Variants in GPR158 observed in about 807,000 individuals in gnomAD.
GPR158 encodes the protein metabotropic glycine receptor.
In GPR158, 30 loss-of-function variants were observed where a neutral mutation model predicts 78.2. That is an observed-to-expected ratio of 0.38 (90% confidence interval 0.29 to 0.52). GPR158 has a LOEUF of 0.52. GPR158 is among the 20% of genes least tolerant of loss of function. GPR158 has a pLI of 0.83. For missense variants in GPR158, 1,463 were observed against 1,523.5 expected (o/e 0.96, Z 0.66); for synonymous variants, 581 against 591.1 (o/e 0.98, Z 0.25).
At chr10:25,586,358 A>T in intron 7 of GPR158, among the ~76,000 whole-genome samples, 1 of 149,618 alleles carries the variant, frequency 6.7e-6, no homozygotes, top group Non-Finnish European at 1.5e-5. Flanking sequence ...TGGGACAGGA[A>T]TTATTTCCAG....
chr10:25,424,274 A>T (rs191527305), intron 4 of GPR158, among the ~76,000 whole-genome samples: 1 of 152,318 alleles, frequency 6.6e-6, no homozygotes, highest in East Asian at 1.9e-4. Flanking sequence ...GATTCAGGAT[A>T]TTAGCCCTTT....
intron 7 of GPR158, among the ~76,000 whole-genome samples, chr10:25,574,869 A>G (rs574848534): frequency 1.3e-5 from 2 of 152,244 alleles, no homozygotes; most frequent in African/African-American, 4.8e-5. Context: ...TGGGAGACAG[A>G]GTGAGACTTT....
At chr10:25,317,878 G>A (rs562475711) in intron 2 of GPR158, among the ~76,000 whole-genome samples, 1 of 152,122 alleles carries the variant, frequency 6.6e-6, no homozygotes, top group African/African-American at 2.4e-5. Context: ...ACAGGCATGT[G>A]CCACCAAGCC....
At chr10:25,513,643 T>C (rs1245345904) in intron 5 of GPR158, among the ~76,000 whole-genome samples, 2 of 152,146 alleles carry the variant, frequency 1.3e-5, no homozygotes, top group East Asian at 3.9e-4. Context: ...AGACTTTTGA[T>C]GTAGGCATTT....
intron 5 of GPR158, among the ~76,000 whole-genome samples, chr10:25,526,692 G>T (rs1271893956): frequency 6.6e-6 from 1 of 152,232 alleles, no homozygotes; most frequent in Non-Finnish European, 1.5e-5. Context: ...TTCAGACCTT[G>T]TTGCAGAAGG....
At chr10:25,514,947 T>G (rs1588894113) in intron 5 of GPR158, among the ~76,000 whole-genome samples, 1 of 152,258 alleles carries the variant, frequency 6.6e-6, no homozygotes, top group East Asian at 1.9e-4. Context: ...GCTCTTAAGA[T>G]TTTTTCCTTC....
chr10:25,241,532 T>C (rs1390291242), intron 2 of GPR158, among the ~76,000 whole-genome samples: 2 of 151,610 alleles, frequency 1.3e-5, no homozygotes, highest in Non-Finnish European at 2.9e-5. Flanking sequence ...GCGATTTTCC[T>C]GCCTCAGCCT....
chr10:25,362,674 G>T (rs963864646), intron 2 of GPR158, among the ~76,000 whole-genome samples: 41 of 151,656 alleles, frequency 2.7e-4, no homozygotes, highest in Non-Finnish European at 5.5e-4. Flanking sequence ...CCTTGATTAG[G>T]TTTATTCCTA....
chr10:25,379,784 TCTTATCAG>T (rs1412378143), intron 2 of GPR158, among the ~76,000 whole-genome samples: 2 of 151,916 alleles, frequency 1.3e-5, no homozygotes, highest in Non-Finnish European at 1.5e-5. Flanking sequence ...CATCTCTTCT[TCTTATCAG>T]CTTACATCTG....
At chr10:25,350,061 G>A (rs1311118094) in intron 2 of GPR158, among the ~76,000 whole-genome samples, 2 of 152,040 alleles carry the variant, frequency 1.3e-5, no homozygotes, top group East Asian at 3.9e-4. Context: ...ACTATGGAGT[G>A]CTAGGGGGAT....
intron 6 of GPR158, among the ~76,000 whole-genome samples, chr10:25,567,743 A>G (rs1211070744): frequency 6.6e-6 from 1 of 152,182 alleles, no homozygotes; most frequent in Non-Finnish European, 1.5e-5. Flanking sequence ...GTGTTTTACC[A>G]TACTAAATTT....
chr10:25,535,461 A>G (rs1270081754), intron 5 of GPR158, among the ~76,000 whole-genome samples: 1 of 152,216 alleles, frequency 6.6e-6, no homozygotes, highest in Non-Finnish European at 1.5e-5. Flanking sequence ...TCTAGCCCTC[A>G]GGGAGGCAAA....
intron 10 of GPR158, 94 bp from the exon 11 acceptor site, chr10:25,597,678 G>A (rs1837427236): frequency 3.1e-6 from 3 of 982,584 alleles, no homozygotes; most frequent in Admixed American, 5.7e-5. Context: ...CCAAATTAGA[G>A]CCCAAGTTTA....
chr10:25,279,226 G>A (rs74126508), intron 2 of GPR158, among the ~76,000 whole-genome samples: 3,180 of 152,202 alleles, frequency 0.021, 117 homozygotes, highest in African/African-American at 0.073. Context: ...TCACGCTAGT[G>A]ATATGCCAGC....
At chr10:25,413,724 G>C (rs559209660) in intron 4 of GPR158, among the ~76,000 whole-genome samples, 3 of 152,122 alleles carry the variant, frequency 2.0e-5, no homozygotes. Flanking sequence ...TAAAGCCTCT[G>C]TTGAGATTCT....
At chr10:25,534,775 TTAGA>T (rs139493428) in intron 5 of GPR158, among the ~76,000 whole-genome samples, 2,606 of 151,966 alleles carry the variant, frequency 0.017, 65 homozygotes, top group African/African-American at 0.06. Context: ...TCTCAAAAAG[TTAGA>T]TAGACAGATA....
chr10:25,176,205 A>C lies in GPR158; in HGVS notation c.785A>C (p.His262Pro). Reference sequence around the variant, plus strand: ...GACGGGCTCGGCGGGGACAAGAGCCACTTCAAGTGGTCTCCGCCTTATCTG... The same window carrying C: ...GACGGGCTCGGCGGGGACAAGAGCCCCTTCAAGTGGTCTCCGCCTTATCTG... Reference protein sequence around the residue: ...RKDGLGGDKSHFKWSPPYLEC... With the variant: ...RKDGLGGDKSPFKWSPPYLEC... The change falls in exon 1 of 11, where the codon CAC (histidine) becomes CCC (proline). Residue 262 changes from histidine to proline, a missense_variant. Physicochemically the swap from His to Pro is moderately conservative, Grantham distance 77. Coordinates refer to ENST00000376351, the MANE Select transcript of GPR158 (RefSeq NM_020752.3). This position sits in a 1 kb window ranked among gnomAD's most constrained non-coding sequence, Gnocchi z 6.3. The C allele has an allele frequency of 1.9e-6, 3 of 1,588,208 alleles. No homozygotes were observed. The highest frequency in any genetic ancestry group is 1.7e-6 in the Non-Finnish European group (2 of 1,168,426).
chr10:25,475,499 G>A (rs930739275), intron 5 of GPR158: 1 of 152,038 alleles, frequency 6.6e-6, no homozygotes, highest in African/African-American at 2.4e-5. Context: ...TAAAATACCA[G>A]GGGAAAAGGA....
At chr10:25,243,729 CATT>C (rs1853655041) in intron 2 of GPR158, among the ~76,000 whole-genome samples, 1 of 152,106 alleles carries the variant, frequency 6.6e-6, no homozygotes, top group Admixed American at 6.5e-5. Context: ...GTTACTTGTT[CATT>C]ATTGTGTCCC....
Sources: allele counts gnomAD v4.1 joint callset (sites outside exome capture counted in the v4.1 genomes callset), GRCh38; gene constraint gnomAD v4.1.1; non-coding constraint Gnocchi (gnomAD v3.1); transcripts MANE v1.5; gene names NCBI Gene and HGNC (gene_info 2026-07-23, HGNC 2026-07-21).